The following PHACTR3 variants were observed in gnomAD, a reference collection of about 807,000 sequenced individuals.
PHACTR3 encodes the protein phosphatase and actin regulator 3.
Under a neutral mutation model 66.8 loss-of-function variants are expected in PHACTR3, and 16 were observed. The ratio of observed to expected loss-of-function variants is 0.24; its 90% CI spans 0.16 to 0.36. The LOEUF (loss-of-function observed/expected upper bound fraction) is 0.36. Ranked by LOEUF, PHACTR3 falls within the 10% of genes least tolerant of loss-of-function variation. The pLI is 1.00. For missense variants in PHACTR3, 647 were observed against 719.9 expected (o/e 0.90, Z 1.16); for synonymous variants, 323 against 292.1 (o/e 1.11, Z -1.08).
At chr20:59,588,124 G>C (rs1158407503) in intron 1 of PHACTR3, among the ~76,000 whole-genome samples, 1 of 152,190 alleles carries the variant, frequency 6.6e-6, no homozygotes, top group Non-Finnish European at 1.5e-5. Context: ...CTTACTGTGG[G>C]TAAGTGGCTG....
intron 1 of PHACTR3, among the ~76,000 whole-genome samples, chr20:59,733,603 A>C (rs2146727539): frequency 6.6e-6 from 1 of 152,176 alleles, no homozygotes; most frequent in South Asian, 2.1e-4. Context: ...GGACTGGGAG[A>C]GGGGCGGAGT....
intron 1 of PHACTR3, among the ~76,000 whole-genome samples, chr20:59,635,729 C>T (rs955750897): frequency 3.9e-5 from 6 of 152,156 alleles, no homozygotes; most frequent in South Asian, 2.1e-4. Flanking sequence ...ATTTGTATGG[C>T]GCGTAAGAGG....
chr20:59,754,842 G>A (rs1299031200), intron 3 of PHACTR3, among the ~76,000 whole-genome samples: 2 of 152,260 alleles, frequency 1.3e-5, no homozygotes, highest in Non-Finnish European at 2.9e-5. Context: ...GCAAGCTCCA[G>A]GGCAGAGGCC....
intron 8 of PHACTR3, among the ~76,000 whole-genome samples, chr20:59,817,424 C>T (rs2041918300): frequency 6.6e-6 from 1 of 152,278 alleles, no homozygotes; most frequent in African/African-American, 2.4e-5. Context: ...AAGGAAGTCT[C>T]TGGTGGAAAC....
At chr20:59,717,894 T>C (rs1401041116) in intron 1 of PHACTR3, among the ~76,000 whole-genome samples, 1 of 152,194 alleles carries the variant, frequency 6.6e-6, no homozygotes, top group Non-Finnish European at 1.5e-5. Context: ...TTCAGTTTCA[T>C]TGTAGACAGA....
In PHACTR3 at chr20:59,692,064, C is replaced by T. The variant is rs189316069; in HGVS notation, c.119-51043C>T. ...TGTTTCCATTTATCTCTTAGCCTTC[C>T]GAGACAGGACGCAATGTAGCCAACA... On this transcript the variant is annotated intron_variant, in intron 1 of 12. Transcript: ENST00000371015. Among the ~76,000 whole-genome samples the T allele has an allele frequency of 1.2e-4, 19 of 152,284 alleles. No homozygotes were observed. In the East Asian group the frequency reaches 2.9e-3, roughly 23 times the overall value.
intron 7 of PHACTR3, among the ~76,000 whole-genome samples, chr20:59,780,211 C>T (rs6123935): frequency 0.68 from 103,260 of 151,922 alleles, 36,097 homozygotes; most frequent in South Asian, 0.82. Flanking sequence ...CTCCCAGGTG[C>T]TCATGACAGC....
intron 8 of PHACTR3, among the ~76,000 whole-genome samples, chr20:59,807,297 A>G (rs1168273678): frequency 3.3e-5 from 5 of 152,198 alleles, no homozygotes; most frequent in Non-Finnish European, 5.9e-5. Flanking sequence ...TAAATGTTTT[A>G]TTAAAAATTA....
intron 1 of PHACTR3, among the ~76,000 whole-genome samples, chr20:59,662,973 G>T (rs530759105): frequency 1.3e-5 from 2 of 152,346 alleles, no homozygotes; most frequent in Admixed American, 6.5e-5. Flanking sequence ...GGCTCTGCAG[G>T]CCAGAGGTCT....
At chr20:59,605,957 C>T (rs1259584846) in intron 1 of PHACTR3, among the ~76,000 whole-genome samples, 4 of 151,944 alleles carry the variant, frequency 2.6e-5, no homozygotes, top group Non-Finnish European at 5.9e-5. Context: ...TTTCACTTCA[C>T]AGGGAGAAGT....
chr20:59,599,888 C>G (rs2033425131), upstream of PHACTR3, among the ~76,000 whole-genome samples: 1 of 152,196 alleles, frequency 6.6e-6, no homozygotes, highest in African/African-American at 2.4e-5. Flanking sequence ...CCTGGTCCAT[C>G]CTGCTGCTTC....
At chr20:59,583,048 A>G (rs562140170) in intron 1 of PHACTR3, among the ~76,000 whole-genome samples, 8 of 152,248 alleles carry the variant, frequency 5.3e-5, no homozygotes, top group African/African-American at 1.4e-4. Context: ...AAAGTCCTGC[A>G]TCCTGAGAAG....
rs143288140 is a variant in PHACTR3, at chr20:59,743,134, G to A, written c.146G>A (p.Arg49His). 57 of 1,613,966 alleles carry A rather than the reference G, an allele frequency of 3.5e-5. No individual in the cohort carries two copies. The highest frequency in any genetic ancestry group is 4.5e-5 in the East Asian group (2 of 44,862). The change falls in exon 2 of 13, where the codon CGT (arginine) becomes CAT (histidine). Residue 49 changes from arginine (R) to histidine (H), a missense_variant. This residue lies in a region of PHACTR3 where 577 missense variants were observed against 571.1 expected (regional missense o/e 1.01). Transcript: ENST00000371015. ...PDEMDQTPPA[R>H]PEYLVSGIRT... ...GAGATGGACCAAACGCCCCCGGCGC[G>A]TCCTGAATATCTGGTCTCAGGGATT...
intron 1 of PHACTR3, chr20:59,676,699 C>T (rs1423152048): frequency 9.1e-6 from 9 of 985,046 alleles, no homozygotes; most frequent in East Asian, 1.1e-4. Flanking sequence ...TCCAGAAGCC[C>T]GCGGGGAGAG....
At chr20:59,645,901 A>AT (rs1328902197) in intron 1 of PHACTR3, among the ~76,000 whole-genome samples, 3 of 152,064 alleles carry the variant, frequency 2.0e-5, no homozygotes, top group Non-Finnish European at 4.4e-5. Context: ...CCTGTCCTGT[A>AT]TTTTTAATAA....
At chr20:59,635,151 T>TTTCTTTCTTTCTTTC (rs1415793845) in intron 1 of PHACTR3, among the ~76,000 whole-genome samples, 2 of 28,924 alleles carry the variant, frequency 6.9e-5, no homozygotes, top group East Asian at 1.8e-3. Context: ...TTCTTTCTTT[T>TTTCTTTCTTTCTTTC]TCTTTCTTTC....
intron 1 of PHACTR3, among the ~76,000 whole-genome samples, chr20:59,606,748 A>G (rs2033684353): frequency 6.6e-6 from 1 of 151,804 alleles, no homozygotes; most frequent in South Asian, 2.1e-4. Flanking sequence ...GTGGGAGCGG[A>G]GGGTTGGGCA....
rs1243382024 is a variant in PHACTR3, at chr20:59,830,370, G to A, written c.1329-6135G>A. ...GGAGGGTGTGTCTGATGGAGACGGT[G>A]TGAATGTCTGATGGAGAGAGCATGA... On this transcript the variant is annotated intron_variant, in intron 8 of 12. Coordinates refer to ENST00000371015, the MANE Select transcript of PHACTR3 (RefSeq NM_080672.5). The surrounding 1 kb of genome is among the most constrained non-coding windows in gnomAD (Gnocchi z 5.8). Among the ~76,000 whole-genome samples the A allele has an allele frequency of 6.6e-6, 1 of 151,932 alleles. No individual in the cohort carries two copies. Among genetic ancestry groups the A allele is most frequent in the African/African-American group, 2.4e-5 (1 of 41,260 alleles).
intron 5 of PHACTR3, among the ~76,000 whole-genome samples, chr20:59,772,683 C>T (rs987218287): frequency 1.3e-5 from 2 of 152,156 alleles, no homozygotes; most frequent in African/African-American, 2.4e-5. Flanking sequence ...GGGGCCACCC[C>T]CAGGGGCCTT....
Sources: gnomAD v4.1 joint callset for allele counts (sites outside exome capture counted in the v4.1 genomes callset) on GRCh38, gnomAD v4.1.1 for gene constraint, gnomAD v4.1.1 regional missense constraint, Gnocchi (gnomAD v3.1) non-coding constraint, MANE v1.5 for transcripts, NCBI Gene and HGNC (gene_info 2026-07-23, HGNC 2026-07-21) for gene names.